PCTP: variants seen among roughly 807,000 people sequenced by gnomAD.
PCTP encodes the protein phosphatidylcholine transfer protein.
A neutral mutation model predicts 31.0 loss-of-function variants in PCTP; 27 were observed. That is an observed-to-expected ratio of 0.87 (90% CI 0.64 to 1.20). The LOEUF (loss-of-function observed/expected upper bound fraction) is 1.20, where lower values mean the gene tolerates loss of function less well. Among genes scored for constraint, PCTP ranks in the 50% most tolerant of loss-of-function variants. PCTP has a pLI of 0.00. For synonymous variants in PCTP, 108 were observed against 101.2 expected (o/e 1.07, Z -0.40); for missense variants, 287 against 268.2 (o/e 1.07, Z -0.49).
chr17:55,754,932 T>C (rs915571052), intron 1 of PCTP, among the ~76,000 whole-genome samples: 2 of 152,190 alleles, frequency 1.3e-5, no homozygotes, highest in Non-Finnish European at 2.9e-5. Context: ...GCCACACATA[T>C]GTATACACAC....
At chr17:55,804,075 G>T (rs1912491583) in intron 3 of PCTP, among the ~76,000 whole-genome samples, 1 of 152,106 alleles carries the variant, frequency 6.6e-6, no homozygotes, top group African/African-American at 2.4e-5. Flanking sequence ...CTTCTCAAAA[G>T]AAGACATTTA....
intron 1 of PCTP, among the ~76,000 whole-genome samples, chr17:55,762,991 T>A (rs917189531): frequency 1.3e-5 from 2 of 152,228 alleles, no homozygotes; most frequent in Admixed American, 1.3e-4. Context: ...AAATGTCTTA[T>A]AACTGGAGCA....
intron 1 of PCTP, among the ~76,000 whole-genome samples, chr17:55,763,261 A>G (rs2144931089): frequency 6.6e-6 from 1 of 152,326 alleles, no homozygotes; most frequent in African/African-American, 2.4e-5. Context: ...GCTTTTTCAT[A>G]TCAAATTGTT....
At chr17:55,818,389 G>A (rs1912999945) in intron 3 of PCTP, among the ~76,000 whole-genome samples, 2 of 152,208 alleles carry the variant, frequency 1.3e-5, no homozygotes, top group Non-Finnish European at 2.9e-5. Flanking sequence ...CTCAGCATTT[G>A]TCACTGTGTG....
downstream of PCTP, among the ~76,000 whole-genome samples, chr17:55,779,833 A>C (rs1911495900): frequency 6.6e-6 from 1 of 152,160 alleles, no homozygotes; most frequent in Admixed American, 6.5e-5. Flanking sequence ...TCCAAAGTGG[A>C]ACATCAGCTT....
chr17:55,829,156 G>C (rs2145076212), intron 5 of PCTP, among the ~76,000 whole-genome samples: 1 of 150,848 alleles, frequency 6.6e-6, no homozygotes, highest in South Asian at 2.1e-4. Flanking sequence ...TACAGGTTGA[G>C]ATTTGCCCAA....
chr17:55,844,263 G>A (rs1031909816), downstream of PCTP, among the ~76,000 whole-genome samples: 3 of 152,284 alleles, frequency 2.0e-5, no homozygotes, highest in African/African-American at 7.2e-5. Context: ...TAGAAAGCAG[G>A]TGGAATCTGT....
At chr17:55,816,122 G>T (rs1040092104) in intron 3 of PCTP, among the ~76,000 whole-genome samples, 2 of 152,044 alleles carry the variant, frequency 1.3e-5, no homozygotes, top group East Asian at 3.9e-4. Context: ...TCTCACATAC[G>T]ATTCACCCAT....
At chr17:55,832,521 T>G (rs542118027) in intron 5 of PCTP, among the ~76,000 whole-genome samples, 2 of 152,204 alleles carry the variant, frequency 1.3e-5, no homozygotes, top group Non-Finnish European at 2.9e-5. Flanking sequence ...GTGGTGTTCT[T>G]TCTTTGCTTG....
chr17:55,796,910 C>T (rs1220955356), intron 3 of PCTP, among the ~76,000 whole-genome samples: 1 of 151,596 alleles, frequency 6.6e-6, no homozygotes, highest in East Asian at 1.9e-4. Flanking sequence ...AGTTTGAATC[C>T]CAGAGAATGC....
downstream of PCTP, among the ~76,000 whole-genome samples, chr17:55,845,734 C>CCGGG (rs1416628673): frequency 1.3e-5 from 2 of 152,234 alleles, no homozygotes; most frequent in East Asian, 3.9e-4. Context: ...CCCCGGGACC[C>CCGGG]CGGGCGTGTG....
At chr17:55,789,467 C>T (rs1418979238) in intron 3 of PCTP, among the ~76,000 whole-genome samples, 1 of 152,126 alleles carries the variant, frequency 6.6e-6, no homozygotes, top group East Asian at 1.9e-4. Flanking sequence ...CGCTTTATTG[C>T]CAATTCCTGT....
At chr17:55,790,386 A>C (rs1230651829) in intron 3 of PCTP, among the ~76,000 whole-genome samples, 2 of 152,084 alleles carry the variant, frequency 1.3e-5, no homozygotes, top group African/African-American at 2.4e-5. Context: ...AAACGACATG[A>C]TTGTATATCT....
At chr17:55,808,389 T>A (rs1349664214) in intron 3 of PCTP, among the ~76,000 whole-genome samples, 1 of 152,198 alleles carries the variant, frequency 6.6e-6, no homozygotes, top group Non-Finnish European at 1.5e-5. Flanking sequence ...TGACATGAGT[T>A]TACTCATCCA....
intron 3 of PCTP, among the ~76,000 whole-genome samples, chr17:55,803,183 C>T (rs1234610882): frequency 2.0e-5 from 3 of 152,128 alleles, no homozygotes; most frequent in African/African-American, 7.2e-5. Context: ...AGGAGAACTA[C>T]AAACCACTGC....
intron 3 of PCTP, among the ~76,000 whole-genome samples, chr17:55,791,606 A>T (rs1282875940): frequency 6.7e-6 from 1 of 150,284 alleles, no homozygotes; most frequent in African/African-American, 2.4e-5. Flanking sequence ...CCACAATGAG[A>T]TACCATCTCA....
At chr17:55,793,390 G>C (rs1008368773) in intron 3 of PCTP, among the ~76,000 whole-genome samples, 1 of 151,892 alleles carries the variant, frequency 6.6e-6, no homozygotes, top group Admixed American at 6.6e-5. Flanking sequence ...TTAATGTTCC[G>C]AATTCTCTGC....
chr17:55,761,529 T>C (rs894534314), intron 1 of PCTP, among the ~76,000 whole-genome samples: 26 of 148,210 alleles, frequency 1.8e-4, no homozygotes, highest in African/African-American at 6.1e-4. Flanking sequence ...TATACACATA[T>C]ATATCTGCTG....
intron 3 of PCTP, among the ~76,000 whole-genome samples, chr17:55,805,493 A>T (rs1912545248): frequency 1.3e-5 from 2 of 152,074 alleles, no homozygotes; most frequent in Non-Finnish European, 1.5e-5. Flanking sequence ...ATGTAGGATA[A>T]TGTCTTCCAG....
Sources: allele counts gnomAD v4.1 joint callset (sites outside exome capture counted in the v4.1 genomes callset), GRCh38; gene constraint gnomAD v4.1.1; transcripts MANE v1.5; gene names NCBI Gene and HGNC (gene_info 2026-07-23, HGNC 2026-07-21).